TRMO: variants seen among roughly 807,000 people sequenced by gnomAD.
TRMO encodes the protein tRNA methyltransferase O.
In TRMO, 30 loss-of-function variants were observed where a neutral mutation model predicts 37.2. The observed-to-expected ratio is 0.81, with a 90% confidence interval of 0.60 to 1.09. TRMO has a LOEUF of 1.09. TRMO is among the 50% of genes least tolerant of loss of function. TRMO has a pLI of 0.00. For missense variants in TRMO, 552 were observed against 549.5 expected (o/e 1.00, Z -0.05); for synonymous variants, 239 against 199.4 (o/e 1.20, Z -1.67).
At chr9:97,917,716 T>C (rs1826435000) in intron 1 of TRMO, among the ~76,000 whole-genome samples, 1 of 152,208 alleles carries the variant, frequency 6.6e-6, no homozygotes, top group Admixed American at 6.5e-5. Flanking sequence ...TCTTGCTCTG[T>C]TGCCCAGACT....
chr9:97,905,099 T>TG (rs1825802020), intron 4 of TRMO, 107 bp from the exon 5 acceptor site: 5 of 1,194,806 alleles, frequency 4.2e-6, no homozygotes, highest in Non-Finnish European at 6.0e-6. Context: ...TCACTTGACA[T>TG]GGACAGGGTT....
rs556841343 is a variant in TRMO at position 97,916,246 on chromosome 9, G to A, written c.169C>T (p.Arg57Ter). 2.4e-5 allele frequency: 38 copies of A among 1,613,284 alleles called. No homozygotes were observed. Among genetic ancestry groups the A allele is most frequent in the South Asian group, 6.6e-5 (6 of 90,974 alleles). ...PRQPSICSYS[R>*]ACLRIRKRIF... ...CTCTTTCTAATCCTCAAACAGGCTC[G>A]AGAATAGCTACAAATGGATGGCTGT... is the stretch of plus-strand genomic sequence containing the variant. The change falls in exon 2 of 5, where the codon CGA (arginine) becomes TGA (stop). Residue 57 changes from arginine (R) to a stop codon, truncating the protein, a stop_gained. Transcript: ENST00000375119. LOFTEE classifies it high-confidence loss of function.
At position 97,913,545 on chromosome 9, in the gene TRMO, A is replaced by C; in HGVS notation, c.265T>G (p.Phe89Val). ...CAGCTCAAATGACCATTTTTGTGAA[A>C]AACAAACAAAATCCTATAGAAAACA... ...QFSHVWILFV[F>V]HKNGHLSCKA... is the part of the protein sequence containing the mutation. The change falls in exon 3 of 5, where the codon TTT becomes GTT. Residue 89 changes from phenylalanine to valine, a missense_variant. By Grantham distance (50) the Phe-to-Val change is conservative (BLOSUM62 -1). Coordinates refer to ENST00000375119, the MANE Select transcript of TRMO (RefSeq NM_016481.5). The C allele has an allele frequency of 1.2e-6, 2 of 1,607,224 alleles. No individual in the cohort carries two copies. Among genetic ancestry groups the C allele is most frequent in the Non-Finnish European group, 1.7e-6 (2 of 1,175,496 alleles).
chr9:97,916,947 G>A (rs984036474), intron 1 of TRMO, among the ~76,000 whole-genome samples: 2 of 148,592 alleles, frequency 1.3e-5, no homozygotes, highest in Non-Finnish European at 3.0e-5. Context: ...CTCCTGACCC[G>A]CCCACCTTGA....
chr9:97,897,624 A>G, the TRMO span, among the ~76,000 whole-genome samples: 1 of 152,212 alleles, frequency 6.6e-6, no homozygotes, highest in East Asian at 1.9e-4. Flanking sequence ...ATAAGATAAT[A>G]TATTTTAAAT....
chr9:97,911,787 AG>A (rs1284580248), intron 3 of TRMO: 1 of 152,236 alleles, frequency 6.6e-6, no homozygotes, highest in Non-Finnish European at 1.5e-5. Flanking sequence ...TGCTACAAAT[AG>A]CCATCTACTA....
At chr9:97,915,024 A>G (rs566252452) in intron 2 of TRMO, among the ~76,000 whole-genome samples, 41 of 152,346 alleles carry the variant, frequency 2.7e-4, no homozygotes, top group African/African-American at 9.9e-4. Flanking sequence ...AGGTCAGAAC[A>G]TACATTTTCT....
chr9:97,910,197 C>T lies in TRMO; in HGVS notation c.829G>A (p.Glu277Lys). Residue 277 changes from glutamate to lysine, a missense_variant, in exon 4 of 5, where the codon GAG becomes AAG. Coordinates refer to ENST00000375119, the MANE Select transcript of TRMO (RefSeq NM_016481.5). ...GTACCTTTCTCTGAAAAGCTCTTCT[C>T]TGGGCAATATGGGCCAATTTGTTCT... ...AEEQIGPYCP[E>K]KSFSEKGTDK... The T allele has an allele frequency of 6.2e-7, 1 of 1,614,252 alleles. No homozygotes were observed. The highest frequency in any genetic ancestry group is 8.5e-7 in the Non-Finnish European group (1 of 1,180,028).
intron 3 of TRMO, chr9:97,913,046 T>C (rs1047435158): frequency 4.5e-6 from 3 of 661,696 alleles, no homozygotes; most frequent in East Asian, 6.6e-5. Flanking sequence ...AGTTATTGTG[T>C]GTTAAATTGG....
At chr9:97,906,972 T>G (rs1016228219) in intron 4 of TRMO, among the ~76,000 whole-genome samples, 6 of 152,232 alleles carry the variant, frequency 3.9e-5, no homozygotes, top group African/African-American at 1.4e-4. Context: ...AGGACTGTTT[T>G]GTTCCACCAT....
Position 97,909,678 on chromosome 9 carries a change from T to C in TRMO, c.1066+282A>G, listed in dbSNP as rs573737635. On this transcript the variant is annotated intron_variant, in intron 4 of 4. Transcript: ENST00000375119. ...TATTTGAAGACTCTAAGAACTACTG[T>C]AGCAAGTAGACAAGGGGCTGTAAGT... 4.6e-5 allele frequency among the ~76,000 whole-genome samples: 7 copies of C among 152,296 alleles called. No individual in the cohort carries two copies. In the South Asian group the frequency reaches 1.4e-3, roughly 32 times the overall value.
downstream of TRMO, among the ~76,000 whole-genome samples, chr9:97,904,261 T>A (rs9299258): frequency 6.6e-6 from 1 of 151,992 alleles, no homozygotes; most frequent in Non-Finnish European, 1.5e-5. Flanking sequence ...CTGAAACACA[T>A]AAGTTTAATC....
chr9:97,913,868 C>T lies in TRMO; in HGVS notation c.252-310G>A, dbSNP rs749539727. The T allele has an allele frequency of 7.8e-5, 19 of 243,790 alleles. No homozygotes were observed. The East Asian group carries it at 8.3e-4, about 11-fold the overall frequency. 15.1% of individuals were successfully genotyped at this position (243,790 alleles called of 1,614,324 possible). A position where few individuals can be genotyped will look rare whatever the true frequency, so the allele number is the denominator to read the frequency against. ...AGTGTCTGCTGTTTGCCAGGTAGTA[C>T]GGTAAAACATTTTTACACTCATTTC... On this transcript the variant is annotated intron_variant, in intron 2 of 4. Coordinates refer to ENST00000375119, the MANE Select transcript of TRMO (RefSeq NM_016481.5).
downstream of TRMO, among the ~76,000 whole-genome samples, chr9:97,903,943 A>G (rs1825745442): frequency 6.6e-6 from 1 of 152,144 alleles, no homozygotes; most frequent in Non-Finnish European, 1.5e-5. Context: ...TTAGCCAGGC[A>G]TGGTGGCGCA....
chr9:97,921,550 G>C (rs1168539021), intron 1 of TRMO, among the ~76,000 whole-genome samples: 1 of 151,716 alleles, frequency 6.6e-6, no homozygotes, highest in African/African-American at 2.4e-5. Context: ...AGCCTCCCGA[G>C]TAGCTGGGAC....
At chr9:97,909,564 A>G (rs566529739) in intron 4 of TRMO, among the ~76,000 whole-genome samples, 1 of 152,324 alleles carries the variant, frequency 6.6e-6, no homozygotes, top group East Asian at 1.9e-4. Flanking sequence ...TCAGAATACA[A>G]TGCAACATTT....
At chr9:97,921,239 G>C (rs567844765) in intron 1 of TRMO, among the ~76,000 whole-genome samples, 1 of 152,146 alleles carries the variant, frequency 6.6e-6, no homozygotes, top group South Asian at 2.1e-4. Context: ...CAGGAAGCTG[G>C]TTAAATTAGA....
intron 1 of TRMO, among the ~76,000 whole-genome samples, chr9:97,922,015 C>T (rs1048661034): frequency 6.6e-6 from 1 of 152,020 alleles, no homozygotes; most frequent in African/African-American, 2.4e-5. Context: ...TATTTTCTCC[C>T]CCAGAAACTT....
the TRMO span, among the ~76,000 whole-genome samples, chr9:97,898,484 C>T: frequency 2.0e-5 from 3 of 152,086 alleles, no homozygotes; most frequent in Non-Finnish European, 4.4e-5. Context: ...GGACCACAGG[C>T]ATGAGCCACT....
Sources: gnomAD v4.1 joint callset for allele counts (sites outside exome capture counted in the v4.1 genomes callset) on GRCh38, gnomAD v4.1.1 for gene constraint, MANE v1.5 for transcripts, NCBI Gene and HGNC (gene_info 2026-07-23, HGNC 2026-07-21) for gene names.